Variants in PRPF8 observed in about 807,000 individuals in gnomAD.
PRPF8 encodes pre-mRNA-processing-splicing factor 8.
In PRPF8, 64 loss-of-function variants were observed where a neutral mutation model predicts 285.9. The observed-to-expected ratio is 0.22, with a 90% CI of 0.18 to 0.28. The LOEUF is 0.28. PRPF8 is among the 10% of genes least tolerant of loss of function. The pLI, the probability that PRPF8 is intolerant of heterozygous loss-of-function variation, is 1.00. For missense variants in PRPF8, 1,426 were observed against 3,026.7 expected (o/e 0.47, Z 12.41); for synonymous variants, 1,325 against 1,118.2 (o/e 1.18, Z -3.69).
chr17:1,659,642 C>T lies in PRPF8; in HGVS notation c.4947-94G>A. On this transcript the variant is annotated intron_variant, in intron 31 of 42. Coordinates refer to ENST00000304992, the MANE Select transcript of PRPF8 (RefSeq NM_006445.4). This position sits in a 1 kb window ranked among gnomAD's most constrained non-coding sequence, Gnocchi z 5.1. ...ACTTAAATCCCAAAACCATCCCACC[C>T]ACTCCACCAACTTGTTCCAGGTCAG... The T allele has an allele frequency of 2.7e-6, 4 of 1,486,104 alleles. No individual in the cohort carries two copies. Among genetic ancestry groups the T allele is most frequent in the African/African-American group, 1.4e-5 (1 of 72,522 alleles). 92.1% of individuals were successfully genotyped at this position (1,486,104 alleles called of 1,614,324 possible). A position where few individuals can be genotyped will look rare whatever the true frequency, so the allele number is the denominator to read the frequency against.
chr17:1,679,653 A>C lies in PRPF8; in HGVS notation c.1245T>G (p.Ser415=). Residue 415 remains serine (S), a synonymous_variant, in exon 9 of 43, where the codon TCT becomes TCG. Coordinates refer to ENST00000304992, the MANE Select transcript of PRPF8 (RefSeq NM_006445.4). The surrounding 1 kb of genome is among the most constrained non-coding windows in gnomAD (Gnocchi z 4.7). ...LWAPRPFNLR[S]GRTRRALDIP... ...TGTCCAGGGCCCGACGGGTGCGACC[A>C]GAGCGTAGGTTGAAGGGCCGCGGGG... is the stretch of plus-strand genomic sequence containing the variant. The C allele has an allele frequency of 6.2e-7, 1 of 1,614,098 alleles. No individual in the cohort carries two copies. The highest frequency in any genetic ancestry group is 8.5e-7 in the Non-Finnish European group (1 of 1,180,020).
In PRPF8 at chr17:1,651,982, A is replaced by G; in HGVS notation, c.6370-194T>C. The G allele has an allele frequency of 1.4e-6, 1 of 704,478 alleles. No individual in the cohort carries two copies. Among genetic ancestry groups the G allele is most frequent in the Non-Finnish European group, 2.5e-6 (1 of 405,278 alleles). The allele number at this position is 704,478 out of a possible 1,614,324, so 43.6% of individuals were successfully genotyped here. The stretch of plus-strand genomic sequence containing the variant: ...ACATGGACCTCATCGCGGACTTACC[A>G]CATCAGAATCTCCTGAGTGGGGTCC... On this transcript the variant is annotated intron_variant, in intron 39 of 42. Coordinates refer to ENST00000304992, the MANE Select transcript of PRPF8 (RefSeq NM_006445.4). This position sits in a 1 kb window ranked among gnomAD's most constrained non-coding sequence, Gnocchi z 5.1.
chr17:1,654,287 C>T (rs16950627), intron 37 of PRPF8: 1 of 589,628 alleles, frequency 1.7e-6, no homozygotes, highest in Non-Finnish European at 3.0e-6. Flanking sequence ...AATGCTCTGG[C>T]ATGGAACTGT....
At position 1,653,239 on chromosome 17, in the gene PRPF8, C is replaced by T. The variant is rs893289149; in HGVS notation, c.6369+303G>A. 4 of 517,526 alleles carry T rather than the reference C, an allele frequency of 7.7e-6. No homozygotes were observed. The highest frequency in any genetic ancestry group is 1.4e-5 in the Non-Finnish European group (4 of 284,938). The allele number at this position is 517,526 out of a possible 1,614,324, so 32.1% of individuals were successfully genotyped here. A position where few individuals can be genotyped will look rare whatever the true frequency, so the allele number is the denominator to read the frequency against. ...ATAGGCATTAGCCACTGTGCCCAGCCGAGTGTTGGGATTACAGGCATGAGC... is the reference window on the plus strand; with the variant it reads ...ATAGGCATTAGCCACTGTGCCCAGCTGAGTGTTGGGATTACAGGCATGAGC... On this transcript the variant is annotated intron_variant, in intron 39 of 42. Transcript: ENST00000304992. This position sits in a 1 kb window ranked among gnomAD's most constrained non-coding sequence, Gnocchi z 4.9.
rs756397883 is a variant in PRPF8 at position 1,660,878 on chromosome 17, ACTG to A, written c.4509-54_4509-52del. 4.3e-5 allele frequency: 69 copies of A among 1,612,952 alleles called. No individual in the cohort carries two copies. In the East Asian group the frequency reaches 1.5e-3, roughly 35 times the overall value. On this transcript the variant is annotated intron_variant, in intron 28 of 42. Transcript: ENST00000304992. ...GTGATATCCTGCCATTTCCCAGCAC[ACTG>A]CTAACCTCCTGGAGGTGGCTGTCTG...
intron 24 of PRPF8, among the ~76,000 whole-genome samples, chr17:1,663,710 C>CAAAAAAAAAA (rs58454297): frequency 1.8e-4 from 3 of 17,112 alleles, no homozygotes; most frequent in African/African-American, 3.4e-4. Context: ...GACTCCATCT[C>CAAAAAAAAAA]AAAAAAAAAA....
In PRPF8 at chr17:1,658,395, G is replaced by C; in HGVS notation, c.5377-14C>G. On this transcript the variant is annotated splice_polypyrimidine_tract_variant and intron_variant, in intron 33 of 42. Coordinates refer to ENST00000304992, the MANE Select transcript of PRPF8 (RefSeq NM_006445.4). This position sits in a 1 kb window ranked among gnomAD's most constrained non-coding sequence, Gnocchi z 4.1. ...CCCTTCAAAGGTCTAGAGGAGGACG[G>C]CATTCGTTAGCATGGCCTACACAAC... The C allele has an allele frequency of 6.2e-7, 1 of 1,614,164 alleles. No homozygotes were observed. Among genetic ancestry groups the C allele is most frequent in the Non-Finnish European group, 8.5e-7 (1 of 1,180,034 alleles).
chr17:1,680,757 A>C lies in PRPF8; in HGVS notation c.1067T>G (p.Ile356Ser). 1 of 1,614,054 alleles carries C rather than the reference A, an allele frequency of 6.2e-7. No individual in the cohort carries two copies. Among genetic ancestry groups the C allele is most frequent in the Non-Finnish European group, 8.5e-7 (1 of 1,179,946 alleles). ...TGAGTGCCTATGGGAGATTGGGTTG[A>C]TCAAAGGGTCAAAGTAGAAAGCTGG... is the stretch of plus-strand genomic sequence containing the variant. ...DLPAFYFDPL[I>S]NPISHRHSVK... Residue 356 changes from isoleucine to serine, a missense_variant, in exon 8 of 43, where the codon ATC (isoleucine) becomes AGC (serine). Around this residue, in one of 34 missense-constraint regions of PRPF8, gnomAD observed 10 missense variants for 29.5 expected, o/e 0.34. Transcript: ENST00000304992.
At chr17:1,674,824 T>C in intron 20 of PRPF8, 144 bp from the exon 21 acceptor site, 2 of 888,790 alleles carry the variant, frequency 2.3e-6, no homozygotes, top group Non-Finnish European at 3.7e-6. Flanking sequence ...AGGCTGAGAG[T>C]GCACTGGCGC....
intron 24 of PRPF8, among the ~76,000 whole-genome samples, chr17:1,665,161 A>G (rs932269684): frequency 5.7e-5 from 8 of 140,094 alleles, no homozygotes; most frequent in Non-Finnish European, 1.2e-4. Flanking sequence ...CTCTGCCTCA[A>G]AAAAAAAAAA....
Position 1,651,929 on chromosome 17 carries a change from C to T in PRPF8, c.6370-141G>A. The T allele has an allele frequency of 9.2e-7, 1 of 1,089,562 alleles. No individual in the cohort carries two copies. Among genetic ancestry groups the T allele is most frequent in the Non-Finnish European group, 1.4e-6 (1 of 725,922 alleles). The allele number at this position is 1,089,562 out of a possible 1,614,324, so 67.5% of individuals were successfully genotyped here. The stretch of plus-strand genomic sequence containing the variant: ...TGATCAGAACCCCCTGTATCAGAAT[C>T]AGCTGGGGTGCTTGTTCAAAATGTT... On this transcript the variant is annotated intron_variant, in intron 39 of 42. Coordinates refer to ENST00000304992, the MANE Select transcript of PRPF8 (RefSeq NM_006445.4). This position sits in a 1 kb window ranked among gnomAD's most constrained non-coding sequence, Gnocchi z 5.1.
chr17:1,657,171 T>A (rs1450415467), intron 34 of PRPF8, among the ~76,000 whole-genome samples: 1 of 152,174 alleles, frequency 6.6e-6, no homozygotes, highest in Non-Finnish European at 1.5e-5. Flanking sequence ...ATCAGGGGTT[T>A]GGGCTACTAA....
chr17:1,662,733 C>T (rs1489150377), intron 24 of PRPF8, among the ~76,000 whole-genome samples: 1 of 148,916 alleles, frequency 6.7e-6, no homozygotes, highest in South Asian at 2.1e-4. Context: ...ACCGTCTCTA[C>T]TAAAAATACA....
At chr17:1,678,063 C>T (rs1172356360) in intron 13 of PRPF8, among the ~76,000 whole-genome samples, 1 of 152,096 alleles carries the variant, frequency 6.6e-6, no homozygotes. Flanking sequence ...GCTGGTAATC[C>T]CAGTACTTTG....
At chr17:1,674,747 C>A in intron 20 of PRPF8, 67 bp from the exon 21 acceptor site, 1 of 1,488,992 alleles carries the variant, frequency 6.7e-7, no homozygotes, top group Non-Finnish European at 9.4e-7. Context: ...GAGTTAACCT[C>A]TTTTGTTCTC....
chr17:1,658,436 C>T lies in PRPF8; in HGVS notation c.5377-55G>A. ...CCTACACAACACATCCCCATCCTGC[C>T]TTCTTCCCAGCATGTGTACACACTT... On this transcript the variant is annotated intron_variant, in intron 33 of 42. Coordinates refer to ENST00000304992, the MANE Select transcript of PRPF8 (RefSeq NM_006445.4). This position sits in a 1 kb window ranked among gnomAD's most constrained non-coding sequence, Gnocchi z 4.1. 1 of 1,614,216 alleles carries T rather than the reference C, an allele frequency of 6.2e-7. No individual in the cohort carries two copies. The highest frequency in any genetic ancestry group is 8.5e-7 in the Non-Finnish European group (1 of 1,180,042).
At position 1,676,411 on chromosome 17, in the gene PRPF8, A is replaced by C; in HGVS notation, c.2389-41T>G. Reference sequence around the variant, plus strand: ...GAAATTAGCCTCCCGCTACAGCCCGATCCTGCCAGAACAAGGTTCAGTCAC... The same window carrying C: ...GAAATTAGCCTCCCGCTACAGCCCGCTCCTGCCAGAACAAGGTTCAGTCAC... On this transcript the variant is annotated intron_variant, in intron 16 of 42. Transcript: ENST00000304992. The surrounding 1 kb of genome is among the most constrained non-coding windows in gnomAD (Gnocchi z 6.3). The C allele has an allele frequency of 1.2e-6, 2 of 1,614,014 alleles. No individual in the cohort carries two copies. The highest frequency in any genetic ancestry group is 1.7e-6 in the Non-Finnish European group (2 of 1,180,012).
chr17:1,666,895 C>G (rs897200203), intron 24 of PRPF8, among the ~76,000 whole-genome samples: 2 of 152,054 alleles, frequency 1.3e-5, no homozygotes, highest in African/African-American at 2.4e-5. Context: ...AGGAGGGGGG[C>G]CGGGTGCGGT....
chr17:1,673,838 A>G lies in PRPF8; in HGVS notation c.3354T>C (p.Pro1118=), dbSNP rs1488141509. The G allele has an allele frequency of 1.2e-6, 2 of 1,613,976 alleles. No individual in the cohort carries two copies. Among genetic ancestry groups the G allele is most frequent in the East Asian group, 2.2e-5 (1 of 44,890 alleles). The change falls in exon 22 of 43, where the codon CCT becomes CCC. Residue 1118 remains proline, a synonymous_variant. Coordinates refer to ENST00000304992, the MANE Select transcript of PRPF8 (RefSeq NM_006445.4). The surrounding 1 kb of genome is among the most constrained non-coding windows in gnomAD (Gnocchi z 5.5). ...CAACGATGTTTTCATTATTGGGGTC[A>G]GGGTGCTCTGTCAGGTAACGTTGAA... ...DLIQRYLTEH[P]DPNNENIVGY... is the part of the protein sequence containing the mutation.
Sources: allele counts gnomAD v4.1 joint callset (sites outside exome capture counted in the v4.1 genomes callset), GRCh38; gene constraint gnomAD v4.1.1; regional missense constraint gnomAD v4.1.1; non-coding constraint Gnocchi (gnomAD v3.1); transcripts MANE v1.5; gene names NCBI Gene and HGNC (gene_info 2026-07-23, HGNC 2026-07-21).